Variants in UBR4 observed in about 807,000 individuals in gnomAD.
UBR4 encodes ubiquitin protein ligase E3 component n-recognin 4.
A neutral mutation model predicts 575.6 loss-of-function variants in UBR4; 124 were observed. The observed-to-expected ratio is 0.22, with a 90% CI of 0.19 to 0.25. The LOEUF is 0.25. Among genes scored for constraint, UBR4 ranks in the 10% least tolerant of loss-of-function variants. UBR4 has a pLI of 1.00. For synonymous variants in UBR4, 2,455 were observed against 2,473.7 expected, an observed-to-expected ratio of 0.99 and a Z score of 0.22; for missense variants, 4,818 against 6,478.8, an observed-to-expected ratio of 0.74 and a Z score of 8.80.
chr1:19,115,097 C>T (rs2080338161), intron 74 of UBR4, 148 bp from the exon 75 acceptor site: 4 of 1,271,870 alleles, frequency 3.1e-6, no homozygotes, highest in Non-Finnish European at 4.3e-6. Context: ...ATGACTTAAG[C>T]AGCCAGGTAA....
chr1:19,125,487 C>T (rs901155453), intron 64 of UBR4: 1 of 152,198 alleles, frequency 6.6e-6, no homozygotes, highest in African/African-American at 2.4e-5. Context: ...GGATCCAAAG[C>T]TCGTGCTGGA....
In UBR4 at chr1:19,144,778, C is replaced by T. The variant is rs376648392; in HGVS notation, c.8067+8G>A. On this transcript the variant is annotated splice_region_variant and intron_variant, in intron 54 of 105. Transcript: ENST00000375254. The stretch of plus-strand genomic sequence containing the variant: ...CTGCGAGCTCTCTGGGATTGTAATG[C>T]TACGTACAGGACACAAGAGCATCTG... 14 of 1,612,190 alleles carry T rather than the reference C, an allele frequency of 8.7e-6. No individual in the cohort carries two copies. Among genetic ancestry groups the T allele is most frequent in the Admixed American group, 1.7e-5 (1 of 59,656 alleles).
chr1:19,107,081 A>T, intron 81 of UBR4, 115 bp from the exon 82 acceptor site: 3 of 1,448,362 alleles, frequency 2.1e-6, no homozygotes, highest in Non-Finnish European at 2.8e-6. Context: ...GAAGATCAGG[A>T]GGATCAACAC....
In UBR4 at chr1:19,197,749, G is replaced by A. The variant is rs774506523; in HGVS notation, c.814C>T (p.Arg272Trp). ...TTAGCTAAAACTGCATCTTGGAACC[G>A]ATTGATATAGCGTAGGAAATATGGC... ...NLPYFLRYIN[R>W]FQDAVLANSF... Residue 272 changes from arginine to tryptophan, a missense_variant, in exon 7 of 106, where the codon CGG (arginine) becomes TGG (tryptophan). Coordinates refer to ENST00000375254, the MANE Select transcript of UBR4 (RefSeq NM_020765.3). 4.3e-6 allele frequency: 7 copies of A among 1,614,194 alleles called. No individual in the cohort carries two copies. The highest frequency in any genetic ancestry group is 1.3e-5 in the African/African-American group (1 of 75,046).
rs759689151 is a variant in UBR4, at chr1:19,187,216, G to C, written c.1580C>G (p.Ser527Cys). ...SIQRIQRLID[S>C]VPLMNLLLTL... ...CAAGAGCAGGTTCATCAGTGGGACA[G>C]AGTCAATCAGCCGTTGAATCCTCTG... The change falls in exon 13 of 106, where the codon TCT (serine) becomes TGT (cysteine). Residue 527 changes from serine to cysteine, a missense_variant. Coordinates refer to ENST00000375254, the MANE Select transcript of UBR4 (RefSeq NM_020765.3). 29 of 1,613,890 alleles carry C rather than the reference G, an allele frequency of 1.8e-5. No individual in the cohort carries two copies. The Admixed American group carries it at 4.8e-4, about 27-fold the overall frequency.
intron 17 of UBR4, among the ~76,000 whole-genome samples, chr1:19,183,320 A>T (rs1007745219): frequency 1.3e-5 from 2 of 151,274 alleles, no homozygotes; most frequent in African/African-American, 4.9e-5. Flanking sequence ...TAAAAGACAT[A>T]TTTTTTTTTC....
Position 19,173,247 on chromosome 1 carries a change from T to A in UBR4, c.3225A>T (p.Ala1075=). ...AEHASSLLEL[A]STTKCSSVKY... is the part of the protein sequence containing the mutation. ...TCACTGAGCTACACTTAGTGGTGGA[T>A]GCCAGTTCTAGAAGCGAGCTAGCAT... Residue 1075 remains alanine (A), a synonymous_variant, in exon 24 of 106, where the codon GCA becomes GCT. Coordinates refer to ENST00000375254, the MANE Select transcript of UBR4 (RefSeq NM_020765.3). 6.2e-7 allele frequency: 1 copy of A among 1,614,238 alleles called. No individual in the cohort carries two copies. Among genetic ancestry groups the A allele is most frequent in the East Asian group, 2.2e-5 (1 of 44,888 alleles).
intron 50 of UBR4, 82 bp downstream of exon 50, chr1:19,148,481 T>G (rs2296108): frequency 0.43 from 653,704 of 1,505,512 alleles, 146,036 homozygotes; most frequent in East Asian, 0.78. Flanking sequence ...TTCTTTAGCT[T>G]CGAGGCCTCA....
In UBR4 at chr1:19,117,822, C is replaced by A; in HGVS notation, c.10629+1G>T. The A allele has an allele frequency of 6.2e-7, 1 of 1,614,136 alleles. No homozygotes were observed. Among genetic ancestry groups the A allele is most frequent in the Non-Finnish European group, 8.5e-7 (1 of 1,179,956 alleles). The stretch of plus-strand genomic sequence containing the variant: ...ACTGTCCATGTACAGATGTTACTTA[C>A]ACAGAACGGTACTTCCGGGTTATTA... On this transcript the variant is annotated splice_donor_variant, in intron 72 of 105. Coordinates refer to ENST00000375254, the MANE Select transcript of UBR4 (RefSeq NM_020765.3). LOFTEE classifies it high-confidence loss of function. The surrounding 1 kb of genome is among the most constrained non-coding windows in gnomAD (Gnocchi z 4.0).
rs761208816 is a variant in UBR4, at chr1:19,126,629, T to C, written c.9255A>G (p.Thr3085=). ...CESSSLISSA[T]AAALLSSGAV... ...CCCCAGAGCTCAGTAGAGCTGCTGCTGTGGCACTGGAGATGAGGGAAGATG... is the reference window on the plus strand; with the variant it reads ...CCCCAGAGCTCAGTAGAGCTGCTGCCGTGGCACTGGAGATGAGGGAAGATG... The change falls in exon 64 of 106, where the codon ACA becomes ACG. Residue 3085 remains threonine (T), a synonymous_variant. Transcript: ENST00000375254. The C allele has an allele frequency of 1.5e-5, 25 of 1,613,796 alleles. No homozygotes were observed. In the East Asian group the frequency reaches 4.9e-4, roughly 32 times the overall value.
chr1:19,112,092 C>CA (rs1557629360), intron 78 of UBR4: 1 of 155,548 alleles, frequency 6.4e-6, no homozygotes, highest in Non-Finnish European at 1.4e-5. Flanking sequence ...AACACAGACT[C>CA]AGAGAAATTA....
rs140891669 is a variant in UBR4, at chr1:19,185,172, C to T, written c.1865G>A (p.Arg622Gln). ...PPPPPLESSP[R>Q]VKSPSKQAPG... is the part of the protein sequence containing the mutation. ...GGCCTGCTTACTGGGGCTTTTAACC[C>T]GAGGAGAGCTTTCCAGTGGAGGAGG... is the stretch of plus-strand genomic sequence containing the variant. Residue 622 changes from arginine (R) to glutamine (Q), a missense_variant, in exon 15 of 106, where the codon CGG (arginine) becomes CAG (glutamine). Around this residue, in one of 29 missense-constraint regions of UBR4, gnomAD observed 1,172 missense variants for 1,259.7 expected, o/e 0.93. Transcript: ENST00000375254. 4 of 1,613,956 alleles carry T rather than the reference C, an allele frequency of 2.5e-6. No homozygotes were observed. The highest frequency in any genetic ancestry group is 2.5e-6 in the Non-Finnish European group (3 of 1,180,016).
At chr1:19,184,340 A>C (rs910372734) in intron 15 of UBR4, among the ~76,000 whole-genome samples, 165 bp from the exon 16 acceptor site, 3 of 152,246 alleles carry the variant, frequency 2.0e-5, no homozygotes, top group Non-Finnish European at 4.4e-5. Context: ...CCTAAGTTTC[A>C]TTATGAGTCT....
At chr1:19,199,531 C>A in intron 3 of UBR4, 120 bp downstream of exon 3, 3 of 829,450 alleles carry the variant, frequency 3.6e-6, no homozygotes, top group South Asian at 1.6e-5. Context: ...TAACATACAG[C>A]CTGCAAATGA....
At position 19,128,998 on chromosome 1, in the gene UBR4, G is replaced by A. The variant is rs138409903; in HGVS notation, c.8983C>T (p.Arg2995Trp). 119 of 1,613,914 alleles carry A rather than the reference G, an allele frequency of 7.4e-5. 1 individual carries two copies. The highest frequency in any genetic ancestry group is 9.2e-5 in the Non-Finnish European group (108 of 1,179,988). Residue 2995 changes from arginine (R) to tryptophan (W), a missense_variant, in exon 61 of 106, where the codon CGG becomes TGG. Physicochemically the swap from Arg to Trp is moderately radical, Grantham distance 101. Coordinates refer to ENST00000375254, the MANE Select transcript of UBR4 (RefSeq NM_020765.3). ...LPQLRNVGGVRAIPYMQVILM... is the reference protein window; with the variant it reads ...LPQLRNVGGVWAIPYMQVILM... ...GATACCTGCATGTATGGGATGGCCC[G>A]GACACCGCCAACGTTTCGTAATTGA... is the stretch of plus-strand genomic sequence containing the variant.
In UBR4 at chr1:19,089,095, C is replaced by A; in HGVS notation, c.14212-118G>T. ...GCACCATCTCATGTCACCTGCTCAG[C>A]TGCAATCAGGTCCTTTGATTCCACA... On this transcript the variant is annotated intron_variant, in intron 97 of 105. Transcript: ENST00000375254. The surrounding 1 kb of genome is among the most constrained non-coding windows in gnomAD (Gnocchi z 4.3). The A allele has an allele frequency of 1.0e-6, 1 of 994,100 alleles. No individual in the cohort carries two copies. The highest frequency in any genetic ancestry group is 1.5e-6 in the Non-Finnish European group (1 of 671,984). 61.6% of individuals were successfully genotyped at this position (994,100 alleles called of 1,614,324 possible).
At chr1:19,190,312 A>AAAAT in intron 11 of UBR4, among the ~76,000 whole-genome samples, 3 of 79,920 alleles carry the variant, frequency 3.8e-5, no homozygotes, top group African/African-American at 1.1e-4. Context: ...AAAAAAAAAA[A>AAAAT]ATATATATAT....
At chr1:19,200,882 G>A (rs1281323091) in intron 2 of UBR4, among the ~76,000 whole-genome samples, 2 of 152,096 alleles carry the variant, frequency 1.3e-5, no homozygotes, top group African/African-American at 2.4e-5. Context: ...GGGGACTCCT[G>A]CCTGTAATCC....
chr1:19,077,737 A>AAAACC (rs553369721), intron 104 of UBR4: 31 of 1,436,200 alleles, frequency 2.2e-5, no homozygotes, highest in East Asian at 6.2e-5. Flanking sequence ...CCGTCTCAAA[A>AAAACC]AAACCAAACC....
Sources: allele counts gnomAD v4.1 joint callset (sites outside exome capture counted in the v4.1 genomes callset), GRCh38; gene constraint gnomAD v4.1.1; regional missense constraint gnomAD v4.1.1; non-coding constraint Gnocchi (gnomAD v3.1); transcripts MANE v1.5; gene names NCBI Gene and HGNC (gene_info 2026-07-23, HGNC 2026-07-21).